CIMIP6: variants seen among roughly 807,000 people sequenced by gnomAD.
CIMIP6 encodes uncharacterized protein C2orf73.
chr2:54,349,336 T>A, the CIMIP6 span, among the ~76,000 whole-genome samples: 2 of 152,158 alleles, frequency 1.3e-5, no homozygotes, highest in Non-Finnish European at 2.9e-5. Context: ...TACTGGTGAA[T>A]GATCTTTAAG....
the CIMIP6 span, among the ~76,000 whole-genome samples, chr2:54,348,410 G>C: frequency 1.3e-5 from 2 of 151,996 alleles, no homozygotes; most frequent in Non-Finnish European, 2.9e-5. Context: ...TCTTTTATTG[G>C]TATTTCTTTT....
At chr2:54,332,146 G>C in the CIMIP6 span, among the ~76,000 whole-genome samples, 1 of 152,180 alleles carries the variant, frequency 6.6e-6, no homozygotes, top group Non-Finnish European at 1.5e-5. Flanking sequence ...CACTCTGCTA[G>C]AATGCTTTTC....
chr2:54,336,961 A>T, the CIMIP6 span, among the ~76,000 whole-genome samples: 1 of 152,242 alleles, frequency 6.6e-6, no homozygotes, highest in Admixed American at 6.5e-5. Flanking sequence ...GCAGGATTCT[A>T]TGAGAGAAGA....
the CIMIP6 span, among the ~76,000 whole-genome samples, chr2:54,346,031 C>T: frequency 2.0e-5 from 3 of 152,076 alleles, no homozygotes; most frequent in Non-Finnish European, 4.4e-5. Flanking sequence ...GGATACTAAA[C>T]CATTTTTTTT....
chr2:54,343,740 T>G, the CIMIP6 span: 18 of 1,603,972 alleles, frequency 1.1e-5, no homozygotes, highest in African/African-American at 1.3e-5. Flanking sequence ...GGTCACATGG[T>G]AAAGCACTGG....
At chr2:54,342,612 G>GTT in the CIMIP6 span, among the ~76,000 whole-genome samples, 17 of 141,540 alleles carry the variant, frequency 1.2e-4, no homozygotes, top group Middle Eastern at 3.7e-3. Context: ...AGCCACATAG[G>GTT]TTTTTTTTTT....
the CIMIP6 span, among the ~76,000 whole-genome samples, chr2:54,364,355 A>C: frequency 1.9e-4 from 29 of 152,392 alleles, 1 homozygote; most frequent in South Asian, 6.0e-3. Context: ...AAACAAAAAC[A>C]AAAACCATCA....
the CIMIP6 span, among the ~76,000 whole-genome samples, chr2:54,346,046 T>G: frequency 5.9e-5 from 9 of 151,932 alleles, no homozygotes; most frequent in African/African-American, 1.9e-4. Flanking sequence ...TTTTTTCAAG[T>G]GGCACTGGGC....
chr2:54,381,799 G>A, the CIMIP6 span: 2 of 1,507,654 alleles, frequency 1.3e-6, no homozygotes, highest in South Asian at 2.6e-5. Flanking sequence ...TAAACCATCA[G>A]ACTTTTTCCC....
At chr2:54,341,778 A>T in the CIMIP6 span, among the ~76,000 whole-genome samples, 10 of 152,312 alleles carry the variant, frequency 6.6e-5, no homozygotes, top group Non-Finnish European at 1.5e-4. Context: ...ATGAGCTTAT[A>T]TAAGTAAGAC....
the CIMIP6 span, among the ~76,000 whole-genome samples, chr2:54,349,076 A>G: frequency 1.3e-5 from 2 of 152,224 alleles, no homozygotes; most frequent in African/African-American, 4.8e-5. Context: ...AACCTTGCTG[A>G]TTATCAACAA....
At chr2:54,342,213 C>G in the CIMIP6 span, among the ~76,000 whole-genome samples, 1 of 152,168 alleles carries the variant, frequency 6.6e-6, no homozygotes, top group African/African-American at 2.4e-5. Context: ...GGGCTTAGTT[C>G]TTTGGTATGT....
the CIMIP6 span, among the ~76,000 whole-genome samples, chr2:54,363,217 G>A: frequency 1.3e-5 from 2 of 152,096 alleles, no homozygotes; most frequent in East Asian, 1.9e-4. Flanking sequence ...TGGATTATAT[G>A]GTTTCCAGGT....
chr2:54,362,259 G>A, the CIMIP6 span, among the ~76,000 whole-genome samples: 1 of 152,050 alleles, frequency 6.6e-6, no homozygotes, highest in Non-Finnish European at 1.5e-5. Flanking sequence ...ATCACACCAA[G>A]AAGAAAACCA....
chr2:54,365,167 T>A, the CIMIP6 span, among the ~76,000 whole-genome samples: 1 of 152,170 alleles, frequency 6.6e-6, no homozygotes, highest in East Asian at 1.9e-4. Context: ...GGGGAGGTAG[T>A]AGATTCATTA....
chr2:54,383,685 T>G, the CIMIP6 span: 2 of 147,054 alleles, frequency 1.4e-5, no homozygotes, highest in Non-Finnish European at 3.0e-5. Flanking sequence ...TTTTTCATTT[T>G]AGTCTATTAG....
the CIMIP6 span, chr2:54,381,889 G>T: frequency 6.4e-7 from 1 of 1,550,538 alleles, no homozygotes; most frequent in Non-Finnish European, 8.7e-7. Flanking sequence ...CAGTGGTCCT[G>T]TGCCACAGTG....
the CIMIP6 span, chr2:54,360,845 A>C: frequency 4.2e-6 from 1 of 237,252 alleles, no homozygotes; most frequent in Non-Finnish European, 8.1e-6. Context: ...TACTTTTAGA[A>C]GAGAGGCCCT....
At chr2:54,366,154 G>A in the CIMIP6 span, among the ~76,000 whole-genome samples, 1 of 152,140 alleles carries the variant, frequency 6.6e-6, no homozygotes, top group South Asian at 2.1e-4. Context: ...CCTTGTAGCT[G>A]GGTTGACTAT....
Sources: gnomAD v4.1 joint callset for allele counts (sites outside exome capture counted in the v4.1 genomes callset) on GRCh38, gnomAD v4.1.1 for gene constraint, MANE v1.5 for transcripts, NCBI Gene and HGNC (gene_info 2026-07-23, HGNC 2026-07-21) for gene names.